DYNC1I1: variants seen among roughly 807,000 people sequenced by gnomAD.
The protein encoded by DYNC1I1 is cytoplasmic dynein 1 intermediate chain 1.
A neutral mutation model predicts 86.6 loss-of-function variants in DYNC1I1; 43 were observed. The observed-to-expected ratio is 0.50, with a 90% CI of 0.39 to 0.64. DYNC1I1 has a LOEUF of 0.64. DYNC1I1 is among the 30% of genes least tolerant of loss of function. The pLI, the probability that DYNC1I1 is intolerant of heterozygous loss-of-function variation, is 0.00. For synonymous variants in DYNC1I1, 262 were observed against 283.7 expected, an observed-to-expected ratio of 0.92 and a Z score of 0.77; for missense variants, 604 against 788.8, an observed-to-expected ratio of 0.77 and a Z score of 2.81.
intron 6 of DYNC1I1, among the ~76,000 whole-genome samples, chr7:95,877,642 G>T (rs972126485): frequency 6.6e-6 from 1 of 152,190 alleles, no homozygotes; most frequent in African/African-American, 2.4e-5. Context: ...AGAAAAGACT[G>T]GTAGATGTGC....
At chr7:95,934,572 TG>T (rs113017209) in intron 6 of DYNC1I1, among the ~76,000 whole-genome samples, 2,307 of 152,214 alleles carry the variant, frequency 0.015, 55 homozygotes, top group African/African-American at 0.053. Context: ...TGGCTTCATA[TG>T]AACAGAGAAT....
intron 10 of DYNC1I1, among the ~76,000 whole-genome samples, chr7:96,007,656 G>T (rs188974833): frequency 6.2e-4 from 94 of 152,200 alleles, no homozygotes; most frequent in African/African-American, 2.1e-3. Context: ...AACACAATTT[G>T]CCATATCCTT....
At chr7:95,828,260 T>G (rs922161495) in intron 5 of DYNC1I1, 144 bp downstream of exon 5, 18 of 854,538 alleles carry the variant, frequency 2.1e-5, no homozygotes, top group Non-Finnish European at 3.4e-5. Context: ...TGATTTTCCT[T>G]ATAAAGCTTT....
At chr7:95,785,556 A>G (rs1794108724) in intron 1 of DYNC1I1, among the ~76,000 whole-genome samples, 1 of 151,832 alleles carries the variant, frequency 6.6e-6, no homozygotes, top group African/African-American at 2.4e-5. Flanking sequence ...ATGTACTCTG[A>G]CGGTTTTTAT....
intron 6 of DYNC1I1, among the ~76,000 whole-genome samples, chr7:95,952,857 C>T (rs1792596799): frequency 6.6e-6 from 1 of 151,834 alleles, no homozygotes. Flanking sequence ...GGACTTGCTT[C>T]AGTGTGTGGC....
At chr7:95,941,473 C>T (rs972746250) in intron 6 of DYNC1I1, among the ~76,000 whole-genome samples, 2 of 152,172 alleles carry the variant, frequency 1.3e-5, no homozygotes, top group African/African-American at 4.8e-5. Flanking sequence ...GCTTCCCGGG[C>T]TGCTTTGTTT....
At chr7:96,065,065 C>T (rs1170990131) in intron 14 of DYNC1I1, among the ~76,000 whole-genome samples, 2 of 152,198 alleles carry the variant, frequency 1.3e-5, no homozygotes, top group Non-Finnish European at 2.9e-5. Context: ...TTGCAAACCA[C>T]TTGAAGAATC....
intron 14 of DYNC1I1, among the ~76,000 whole-genome samples, chr7:96,053,192 C>T (rs1051504612): frequency 1.3e-5 from 2 of 152,156 alleles, no homozygotes; most frequent in East Asian, 1.9e-4. Flanking sequence ...AGTTTTCAGA[C>T]GAAGCCAATT....
chr7:96,032,917 C>G lies in DYNC1I1; in HGVS notation c.1230+137C>G. The G allele has an allele frequency of 4.6e-6, 3 of 652,348 alleles. No individual in the cohort carries two copies. The South Asian group carries it at 6.4e-5, about 14-fold the overall frequency. The allele number at this position is 652,348 out of a possible 1,614,324, so 40.4% of individuals were successfully genotyped here. A position where few individuals can be genotyped will look rare whatever the true frequency, so the allele number is the denominator to read the frequency against. On this transcript the variant is annotated intron_variant, in intron 12 of 16. Coordinates refer to ENST00000447467, the MANE Select transcript of DYNC1I1 (RefSeq NM_001135556.2). ...ATGGATGCACTTGAAAGAGTGGGGC[C>G]TGCTTTCAGCAATCTTCTCTTGAAG...
downstream of DYNC1I1, among the ~76,000 whole-genome samples, chr7:96,103,165 AAAG>A (rs1286483889): frequency 2.6e-5 from 4 of 152,064 alleles, no homozygotes; most frequent in Non-Finnish European, 5.9e-5. Context: ...TGAGCCGCTG[AAAG>A]AAGAGGAAAA....
rs1027578701 is a variant in DYNC1I1 at position 95,900,542 on chromosome 7, T to C, written c.490+30544T>C. On this transcript the variant is annotated intron_variant, in intron 6 of 16. Transcript: ENST00000447467. Reference sequence around the variant, plus strand: ...AAATTTGGAGTCAAGCTGAGGTCATTGCTAAGGAGATTTGGAGTTGGAAAT... The same window carrying C: ...AAATTTGGAGTCAAGCTGAGGTCATCGCTAAGGAGATTTGGAGTTGGAAAT... Among the ~76,000 whole-genome samples the C allele has an allele frequency of 4.6e-5, 7 of 152,236 alleles. No individual in the cohort carries two copies. In the South Asian group the frequency reaches 1.2e-3, roughly 27 times the overall value.
At chr7:96,068,691 C>A (rs1049958262) in intron 14 of DYNC1I1, among the ~76,000 whole-genome samples, 1 of 152,072 alleles carries the variant, frequency 6.6e-6, no homozygotes, top group Non-Finnish European at 1.5e-5. Flanking sequence ...AAAATGTTTA[C>A]CTGAGCATGT....
At chr7:96,102,775 T>C (rs989372315), downstream of DYNC1I1, among the ~76,000 whole-genome samples, 3 of 152,122 alleles carry the variant, frequency 2.0e-5, no homozygotes, top group Non-Finnish European at 2.9e-5. Context: ...CAAGTCCCAG[T>C]TGGAAAATTA....
chr7:95,827,981 C>A, intron 4 of DYNC1I1, 76 bp from the exon 5 acceptor site: 1 of 1,476,128 alleles, frequency 6.8e-7, no homozygotes, highest in Non-Finnish European at 9.5e-7. Context: ...TGATGAATGA[C>A]ATAGTTTGGT....
chr7:95,885,936 A>G (rs1442455807), intron 6 of DYNC1I1, among the ~76,000 whole-genome samples: 1 of 152,214 alleles, frequency 6.6e-6, no homozygotes, highest in Admixed American at 6.5e-5. Flanking sequence ...GGAGATGAAA[A>G]TAATCTCTCT....
intron 13 of DYNC1I1, among the ~76,000 whole-genome samples, chr7:96,037,413 A>T (rs1011408327): frequency 1.1e-4 from 17 of 152,316 alleles, no homozygotes; most frequent in Middle Eastern, 3.4e-3. Context: ...AAAATAACTG[A>T]TGACGGTGAG....
chr7:95,963,626 A>G (rs181819811), intron 6 of DYNC1I1, among the ~76,000 whole-genome samples: 5 of 152,260 alleles, frequency 3.3e-5, no homozygotes, highest in Non-Finnish European at 7.4e-5. Flanking sequence ...TCTCACACTC[A>G]CACTGAGCCT....
At chr7:95,965,723 G>GA (rs1250170785) in intron 6 of DYNC1I1, among the ~76,000 whole-genome samples, 1 of 151,956 alleles carries the variant, frequency 6.6e-6, no homozygotes, top group Non-Finnish European at 1.5e-5. Flanking sequence ...GGATTATCAA[G>GA]AAAAAAATAA....
intron 14 of DYNC1I1, among the ~76,000 whole-genome samples, chr7:96,058,397 T>C (rs1249012879): frequency 6.6e-6 from 1 of 152,174 alleles, no homozygotes; most frequent in African/African-American, 2.4e-5. Flanking sequence ...AAAAGAGATG[T>C]TTTGTCCACC....
Sources: gnomAD v4.1 joint callset for allele counts (sites outside exome capture counted in the v4.1 genomes callset) on GRCh38, gnomAD v4.1.1 for gene constraint, MANE v1.5 for transcripts, NCBI Gene and HGNC (gene_info 2026-07-23, HGNC 2026-07-21) for gene names.